SHANK2: variants seen among roughly 807,000 people sequenced by gnomAD.
SHANK2 encodes SH3 and multiple ankyrin repeat domains protein 2.
SHANK2 carries 43 observed loss-of-function variants against 133.7 expected under a neutral mutation model. That is an observed-to-expected ratio of 0.32 (90% CI 0.25 to 0.41). The LOEUF is 0.41. Ranked by LOEUF, SHANK2 falls within the 10% of genes least tolerant of loss-of-function variation. The pLI is 1.00. For synonymous variants in SHANK2, 1,017 were observed against 952.8 expected (o/e 1.07, Z -1.24); for missense variants, 1,994 against 2,235.8 (o/e 0.89, Z 2.18).
chr11:71,153,096 G>C (rs1206700962), intron 2 of SHANK2, among the ~76,000 whole-genome samples: 3 of 152,162 alleles, frequency 2.0e-5, no homozygotes, highest in African/African-American at 4.8e-5. Flanking sequence ...GGGAGAGCCA[G>C]GGGGGCTGGG....
At chr11:70,629,484 G>A (rs2060951807) in intron 17 of SHANK2, among the ~76,000 whole-genome samples, 1 of 152,186 alleles carries the variant, frequency 6.6e-6, no homozygotes, top group South Asian at 2.1e-4. Context: ...CCGGCCTGGC[G>A]GGAGAGGGAG....
At position 70,487,216 on chromosome 11, in the gene SHANK2, G is replaced by C; in HGVS notation, c.3077C>G (p.Thr1026Arg). 6.2e-7 allele frequency: 1 copy of C among 1,614,076 alleles called. No individual in the cohort carries two copies. Among genetic ancestry groups the C allele is most frequent in the Non-Finnish European group, 8.5e-7 (1 of 1,180,046 alleles). The part of the protein sequence containing the change: ...QSNVEDSPEK[T>R]CSIPIPTIIV... ...GATGGTCGGGATAGGGATGGAGCACGTCTTCTCGGGGCTGTCCTCCACGTT... is the reference window on the plus strand; with the variant it reads ...GATGGTCGGGATAGGGATGGAGCACCTCTTCTCGGGGCTGTCCTCCACGTT... The change falls in exon 25 of 26, where the codon ACG (threonine) becomes AGG (arginine). Residue 1026 changes from threonine to arginine, a missense_variant. By Grantham distance (71) the Thr-to-Arg change is moderately conservative (BLOSUM62 -1). This residue lies in a region of SHANK2 where 488 missense variants were observed against 642.6 expected (regional missense o/e 0.76). Coordinates refer to ENST00000601538, the MANE Select transcript of SHANK2 (RefSeq NM_012309.5). The surrounding 1 kb of genome is among the most constrained non-coding windows in gnomAD (Gnocchi z 5.8).
intron 10 of SHANK2, among the ~76,000 whole-genome samples, chr11:70,923,485 G>A (rs527574583): frequency 1.3e-4 from 20 of 152,120 alleles, no homozygotes; most frequent in East Asian, 3.9e-4. Context: ...CAAGTGATCC[G>A]CCCGTCTCCA....
intron 14 of SHANK2, among the ~76,000 whole-genome samples, chr11:70,768,331 C>G (rs1227519569): frequency 3.3e-5 from 5 of 152,172 alleles, no homozygotes; most frequent in African/African-American, 1.2e-4. Context: ...AGGATAAAGT[C>G]CCCAGCATCA....
At position 70,949,394 on chromosome 11, in the gene SHANK2, C is replaced by T. The variant is rs1235424216; in HGVS notation, c.1108-52827G>A. Among the ~76,000 whole-genome samples the T allele has an allele frequency of 2.6e-5, 4 of 152,336 alleles. No individual in the cohort carries two copies. The East Asian group carries it at 7.7e-4, about 29-fold the overall frequency. On this transcript the variant is annotated intron_variant, in intron 10 of 25. Coordinates refer to ENST00000601538, the MANE Select transcript of SHANK2 (RefSeq NM_012309.5). The stretch of plus-strand genomic sequence containing the variant: ...TCATCTTAGCAAACTCTCCCAGGAC[C>T]CTGGGCTGCACAAGCTCAGAGACTC...
At chr11:71,071,261 TCA>T (rs1951137676) in intron 9 of SHANK2, among the ~76,000 whole-genome samples, 1 of 152,190 alleles carries the variant, frequency 6.6e-6, no homozygotes, top group African/African-American at 2.4e-5. Context: ...ATCTCCACAC[TCA>T]CACAGACATT....
chr11:70,762,283 C>G (rs1947012534), intron 14 of SHANK2, among the ~76,000 whole-genome samples: 1 of 152,086 alleles, frequency 6.6e-6, no homozygotes, highest in African/African-American at 2.4e-5. Flanking sequence ...AAAATGAAGC[C>G]CATGTCAATC....
chr11:70,881,568 ATAATAT>A (rs57239214), intron 11 of SHANK2, among the ~76,000 whole-genome samples: 76,571 of 130,014 alleles, frequency 0.59, 23,315 homozygotes, highest in East Asian at 0.74. Flanking sequence ...AATATTAATA[ATAATAT>A]TAATAATAAT....
chr11:71,117,463 A>G (rs1265085484), intron 4 of SHANK2, among the ~76,000 whole-genome samples: 5 of 152,194 alleles, frequency 3.3e-5, no homozygotes, highest in African/African-American at 1.2e-4. Context: ...CTGGAGCACT[A>G]ATGAGATGAC....
chr11:70,799,451 C>T (rs1555050017), intron 13 of SHANK2, among the ~76,000 whole-genome samples: 1 of 152,122 alleles, frequency 6.6e-6, no homozygotes. Context: ...GGGCGAGCAG[C>T]TCACGAATCA....
chr11:71,224,818 G>A (rs928719226), intron 1 of SHANK2, 22 bp from the exon 2 acceptor site: 34 of 152,290 alleles, frequency 2.2e-4, no homozygotes, highest in Admixed American at 5.9e-4. Flanking sequence ...TAATGAGACC[G>A]GGGCATGGTC....
intron 17 of SHANK2, among the ~76,000 whole-genome samples, chr11:70,551,922 T>C (rs1444385175): frequency 6.6e-6 from 1 of 152,192 alleles, no homozygotes; most frequent in African/African-American, 2.4e-5. Flanking sequence ...CGAGACTCTC[T>C]ATGCGCCAAG....
intron 10 of SHANK2, chr11:70,942,797 C>T (rs74448489): frequency 4.8e-4 from 221 of 456,588 alleles, no homozygotes; most frequent in African/African-American, 3.5e-3. Flanking sequence ...CAAGCTGTAC[C>T]GGGTTAACAC....
intron 3 of SHANK2, among the ~76,000 whole-genome samples, chr11:71,132,578 C>T (rs782660640): frequency 1.3e-5 from 2 of 152,184 alleles, no homozygotes; most frequent in Admixed American, 6.5e-5. Flanking sequence ...GTGCAGGCTA[C>T]GGAGACCCTG....
intron 8 of SHANK2, among the ~76,000 whole-genome samples, chr11:71,076,520 C>CA (rs1486702790): frequency 1.3e-5 from 2 of 150,334 alleles, no homozygotes; most frequent in Non-Finnish European, 3.0e-5. Flanking sequence ...CAAACAAAAA[C>CA]AAAAAACGAA....
chr11:71,236,849 T>C (rs868959948), intron 1 of SHANK2, among the ~76,000 whole-genome samples: 9 of 152,326 alleles, frequency 5.9e-5, no homozygotes, highest in Middle Eastern at 6.8e-3. Context: ...GGTGACACAG[T>C]GAGACTCCAT....
intron 2 of SHANK2, among the ~76,000 whole-genome samples, chr11:71,169,754 CAAAA>C (rs35339054): frequency 2.2e-5 from 2 of 90,310 alleles, no homozygotes. Context: ...GACTCCATCT[CAAAA>C]AAAAAAAAAA....
chr11:70,541,755 G>T lies in SHANK2; in HGVS notation c.2062-38824C>A, dbSNP rs183089771. 1.1e-3 allele frequency among the ~76,000 whole-genome samples: 172 copies of T among 152,380 alleles called. 1 individual carries two copies. The highest frequency in any genetic ancestry group is 1.0e-3 in the Non-Finnish European group (70 of 68,040). On this transcript the variant is annotated intron_variant, in intron 17 of 25. Coordinates refer to ENST00000601538, the MANE Select transcript of SHANK2 (RefSeq NM_012309.5). The stretch of plus-strand genomic sequence containing the variant: ...TGTTGCTACTGGCATCTTGTGGGTG[G>T]AGACCAAGGAAGCTGCTATACATCC...
intron 8 of SHANK2, among the ~76,000 whole-genome samples, chr11:71,088,660 G>A (rs1951451770): frequency 6.6e-6 from 1 of 152,156 alleles, no homozygotes; most frequent in South Asian, 2.1e-4. Flanking sequence ...CATGTTTGCT[G>A]GTAGAAATGT....
Sources: gnomAD v4.1 joint callset for allele counts (sites outside exome capture counted in the v4.1 genomes callset) on GRCh38, gnomAD v4.1.1 for gene constraint, gnomAD v4.1.1 regional missense constraint, Gnocchi (gnomAD v3.1) non-coding constraint, MANE v1.5 for transcripts, NCBI Gene and HGNC (gene_info 2026-07-23, HGNC 2026-07-21) for gene names.